Variants in YAP1 observed in about 807,000 individuals in gnomAD.
YAP1 encodes transcriptional coactivator YAP1.
Under a neutral mutation model 56.9 loss-of-function variants are expected in YAP1, and 5 were observed. The observed-to-expected ratio is 0.09, with a 90% CI of 0.05 to 0.18. YAP1 has a LOEUF of 0.18. Among genes scored for constraint, YAP1 ranks in the 10% least tolerant of loss-of-function variants. YAP1 has a pLI of 1.00. For synonymous variants in YAP1, 265 were observed against 248.1 expected, an observed-to-expected ratio of 1.07 and a Z score of -0.64; for missense variants, 539 against 651.8, an observed-to-expected ratio of 0.83 and a Z score of 1.88.
chr11:102,197,025 A>G (rs1235440865), intron 4 of YAP1, among the ~76,000 whole-genome samples: 1 of 152,148 alleles, frequency 6.6e-6, no homozygotes, highest in East Asian at 1.9e-4. Context: ...TGCAGTAAAC[A>G]CTTAGAGCCA....
chr11:102,165,866 A>G (rs1030638055), intron 3 of YAP1, among the ~76,000 whole-genome samples: 3 of 152,218 alleles, frequency 2.0e-5, no homozygotes, highest in Non-Finnish European at 4.4e-5. Context: ...CTATTTTTAA[A>G]TACTATTAAT....
intron 3 of YAP1, among the ~76,000 whole-genome samples, chr11:102,163,221 C>T (rs1946401591): frequency 1.3e-5 from 2 of 152,074 alleles, no homozygotes; most frequent in Non-Finnish European, 2.9e-5. Context: ...CAGTTTTTCT[C>T]ATCTACATAA....
chr11:102,131,928 G>A (rs1204579833), intron 2 of YAP1, among the ~76,000 whole-genome samples: 1 of 152,010 alleles, frequency 6.6e-6, no homozygotes, highest in Non-Finnish European at 1.5e-5. Flanking sequence ...ACCAAGCCTG[G>A]CCAACATGAT....
chr11:102,173,036 T>C (rs1421806894), intron 3 of YAP1, among the ~76,000 whole-genome samples: 1 of 152,180 alleles, frequency 6.6e-6, no homozygotes, highest in Non-Finnish European at 1.5e-5. Flanking sequence ...TGACATGGTA[T>C]CAGTAACTTT....
chr11:102,146,209 G>A (rs564437119), intron 2 of YAP1, among the ~76,000 whole-genome samples: 1 of 152,164 alleles, frequency 6.6e-6, no homozygotes, highest in African/African-American at 2.4e-5. Context: ...GACAAATAGA[G>A]ACAGGGTCTC....
chr11:102,147,170 G>A lies in YAP1; in HGVS notation c.573-15286G>A, dbSNP rs940639091. Among the ~76,000 whole-genome samples the A allele has an allele frequency of 2.0e-5, 3 of 152,164 alleles. No homozygotes were observed. In the South Asian group the frequency reaches 6.2e-4, roughly 32 times the overall value. ...CTGTTAATCTGGCACCAAAGTCCAC[G>A]TAACCACTGTTATATACTAAAATGT... On this transcript the variant is annotated intron_variant, in intron 2 of 8. Coordinates refer to ENST00000282441, the MANE Select transcript of YAP1 (RefSeq NM_001130145.3).
At chr11:102,116,840 A>G (rs1167230983) in intron 2 of YAP1, among the ~76,000 whole-genome samples, 1 of 152,172 alleles carries the variant, frequency 6.6e-6, no homozygotes, top group Non-Finnish European at 1.5e-5. Context: ...TTTCCTGGAC[A>G]GGTAAATCTT....
chr11:102,210,653 CTG>C (rs1400395670), intron 6 of YAP1, among the ~76,000 whole-genome samples: 1 of 152,216 alleles, frequency 6.6e-6, no homozygotes, highest in Non-Finnish European at 1.5e-5. Flanking sequence ...TACCATTTGA[CTG>C]TGAAGTGCAG....
At chr11:102,186,267 A>T in intron 4 of YAP1, 136 bp downstream of exon 4, 1 of 954,488 alleles carries the variant, frequency 1.0e-6, no homozygotes, top group Middle Eastern at 2.7e-4. Context: ...CCCAATGTTT[A>T]CCAGTAGTGT....
intron 4 of YAP1, among the ~76,000 whole-genome samples, chr11:102,202,372 G>A (rs1374661382): frequency 1.3e-5 from 2 of 149,460 alleles, no homozygotes; most frequent in African/African-American, 5.0e-5. Flanking sequence ...GTAGAGATGG[G>A]GTTTCACCAT....
At chr11:102,224,339 A>C (rs1950090950) in intron 7 of YAP1, among the ~76,000 whole-genome samples, 1 of 152,346 alleles carries the variant, frequency 6.6e-6, no homozygotes, top group East Asian at 1.9e-4. Flanking sequence ...ACAGATTGCA[A>C]TATTACATAA....
chr11:102,117,729 G>C (rs1415851631), intron 2 of YAP1, among the ~76,000 whole-genome samples: 1 of 152,188 alleles, frequency 6.6e-6, no homozygotes, highest in African/African-American at 2.4e-5. Flanking sequence ...TCAGTGGCTT[G>C]TTTTCAAGCT....
At chr11:102,190,693 T>A (rs1489750461) in intron 4 of YAP1, among the ~76,000 whole-genome samples, 1 of 152,096 alleles carries the variant, frequency 6.6e-6, no homozygotes, top group Non-Finnish European at 1.5e-5. Flanking sequence ...ATCCCAGCAC[T>A]TTGGGAGGCC....
At chr11:102,126,840 G>C (rs1445598860) in intron 2 of YAP1, among the ~76,000 whole-genome samples, 2 of 152,210 alleles carry the variant, frequency 1.3e-5, no homozygotes, top group East Asian at 3.8e-4. Flanking sequence ...AATGCCGATA[G>C]TGATGTGAAC....
chr11:102,214,621 T>G (rs1249837725), intron 6 of YAP1, among the ~76,000 whole-genome samples: 2 of 152,226 alleles, frequency 1.3e-5, no homozygotes, highest in African/African-American at 4.8e-5. Flanking sequence ...GTTCTGATAT[T>G]AAATAAATCA....
chr11:102,115,061 GTTGT>G (rs966975544), intron 2 of YAP1, among the ~76,000 whole-genome samples: 9 of 152,080 alleles, frequency 5.9e-5, no homozygotes, highest in African/African-American at 2.2e-4. Flanking sequence ...TGACCGTTGG[GTTGT>G]TTATTTATTT....
chr11:102,169,509 G>A (rs1490991408), intron 3 of YAP1, among the ~76,000 whole-genome samples: 4 of 152,112 alleles, frequency 2.6e-5, no homozygotes, highest in Non-Finnish European at 4.4e-5. Context: ...CTATACTAAC[G>A]GGAAACCTAA....
At position 102,205,078 on chromosome 11, in the gene YAP1, C is replaced by T. The variant is rs182060686; in HGVS notation, c.803-815C>T. Among the ~76,000 whole-genome samples the T allele has an allele frequency of 1.1e-3, 169 of 152,218 alleles. 1 individual carries two copies. Among genetic ancestry groups the T allele is most frequent in the Middle Eastern group, 0.01 (3 of 294 alleles). ...ATTCACAGTTTGATCAGTGTTGTAT[C>T]AGTGACAGAAATTCACTAGTATAAA... is the stretch of plus-strand genomic sequence containing the variant. On this transcript the variant is annotated intron_variant, in intron 4 of 8. Transcript: ENST00000282441.
At chr11:102,186,318 A>C in intron 4 of YAP1, 187 bp downstream of exon 4, 1 of 642,542 alleles carries the variant, frequency 1.6e-6, no homozygotes, top group African/African-American at 1.9e-5. Flanking sequence ...TTTAGATCTG[A>C]ATCAGATTTT....
Sources: gnomAD v4.1 joint callset for allele counts (sites outside exome capture counted in the v4.1 genomes callset) on GRCh38, gnomAD v4.1.1 for gene constraint, MANE v1.5 for transcripts, NCBI Gene and HGNC (gene_info 2026-07-23, HGNC 2026-07-21) for gene names.